Variants in RICTOR observed in about 807,000 individuals in gnomAD.
RICTOR encodes RPTOR independent companion of MTOR complex 2.
Under a neutral mutation model 214.9 loss-of-function variants are expected in RICTOR, and 49 were observed. The observed-to-expected ratio is 0.23, with a 90% CI of 0.18 to 0.29. The LOEUF (loss-of-function observed/expected upper bound fraction) is 0.29. RICTOR is among the 10% of genes least tolerant of loss of function. The probability of loss-of-function intolerance (pLI) is 1.00; values close to 1 mark genes in which losing one functional copy is unlikely to be tolerated. For synonymous variants in RICTOR, 717 were observed against 711.3 expected (o/e 1.01, Z -0.13); for missense variants, 1,625 against 2,047.0 (o/e 0.79, Z 3.98).
intron 7 of RICTOR, among the ~76,000 whole-genome samples, chr5:38,989,124 T>A (rs1035985916): frequency 5.9e-5 from 9 of 152,158 alleles, no homozygotes; most frequent in African/African-American, 2.2e-4. Flanking sequence ...ACTACAAGGC[T>A]ACAGTAACCA....
chr5:39,068,594 C>G (rs1031878088), intron 2 of RICTOR, among the ~76,000 whole-genome samples: 2 of 152,038 alleles, frequency 1.3e-5, no homozygotes, highest in Non-Finnish European at 1.5e-5. Context: ...AAGAGAACAA[C>G]AAGATCAGAT....
chr5:38,949,405 C>A, intron 31 of RICTOR: 3 of 1,591,672 alleles, frequency 1.9e-6, no homozygotes, highest in Non-Finnish European at 2.5e-6. Flanking sequence ...ATTCCCCCGA[C>A]ATGCTTCTTT....
intron 2 of RICTOR, among the ~76,000 whole-genome samples, chr5:39,046,752 C>T (rs1357094721): frequency 6.6e-6 from 1 of 152,140 alleles, no homozygotes; most frequent in African/African-American, 2.4e-5. Flanking sequence ...ATTCCCTCCT[C>T]CTGTTCCATA....
intron 2 of RICTOR, among the ~76,000 whole-genome samples, chr5:39,031,427 A>G (rs1756262994): frequency 6.6e-6 from 1 of 152,140 alleles, no homozygotes; most frequent in South Asian, 2.1e-4. Context: ...AGTTTCTGAC[A>G]TCTTTTCCTT....
rs1271976557 is a variant in RICTOR, at chr5:38,941,419, A to C, written c.*885T>G. 4.3e-6 allele frequency: 1 copy of C among 231,906 alleles called. No homozygotes were observed. Among genetic ancestry groups the C allele is most frequent in the Non-Finnish European group, 8.5e-6 (1 of 117,062 alleles). The allele number at this position is 231,906 out of a possible 1,614,324, so 14.4% of individuals were successfully genotyped here. On this transcript the variant is annotated 3_prime_UTR_variant, in exon 38 of 38. Coordinates refer to ENST00000357387, the MANE Select transcript of RICTOR (RefSeq NM_152756.5). ...CCTCAGGAGATCCAAAGTATTATTTAATGCTTTCCTATCCTTTAGGTCTAA... is the reference window on the plus strand; with the variant it reads ...CCTCAGGAGATCCAAAGTATTATTTCATGCTTTCCTATCCTTTAGGTCTAA...
intron 2 of RICTOR, among the ~76,000 whole-genome samples, chr5:39,073,787 C>T (rs1173685599): frequency 6.6e-6 from 1 of 152,156 alleles, no homozygotes; most frequent in Non-Finnish European, 1.5e-5. Flanking sequence ...TGCCGGACTC[C>T]GGGATAGGTG....
chr5:38,963,554 G>A (rs953428864), intron 16 of RICTOR, among the ~76,000 whole-genome samples: 1 of 151,752 alleles, frequency 6.6e-6, no homozygotes, highest in African/African-American at 2.4e-5. Flanking sequence ...AATTCTTTGT[G>A]GTAAATACAA....
Position 38,938,520 on chromosome 5 carries a change from A to G in RICTOR, c.*3784T>C, listed in dbSNP as rs1311675862. 4.3e-6 allele frequency: 1 copy of G among 232,768 alleles called. No individual in the cohort carries two copies. Among genetic ancestry groups the G allele is most frequent in the African/African-American group, 2.2e-5 (1 of 45,330 alleles). 14.4% of individuals were successfully genotyped at this position (232,768 alleles called of 1,614,324 possible). The stretch of plus-strand genomic sequence containing the variant: ...TTGAAATTAAATATTCTATAAAGAA[A>G]GTAAAACAAAATGTGCAATTTATGC... On this transcript the variant is annotated 3_prime_UTR_variant, in exon 38 of 38. Coordinates refer to ENST00000357387, the MANE Select transcript of RICTOR (RefSeq NM_152756.5).
At chr5:39,008,376 T>C (rs1754234294) in intron 3 of RICTOR, among the ~76,000 whole-genome samples, 1 of 152,078 alleles carries the variant, frequency 6.6e-6, no homozygotes, top group South Asian at 2.1e-4. Flanking sequence ...TCAACCCTGG[T>C]AGTACTTCTG....
At chr5:39,067,307 C>A (rs1234334276) in intron 2 of RICTOR, among the ~76,000 whole-genome samples, 1 of 152,102 alleles carries the variant, frequency 6.6e-6, no homozygotes, top group Non-Finnish European at 1.5e-5. Context: ...AGGGTAGGTG[C>A]ACACTTTTAA....
chr5:38,978,518 AC>A lies in RICTOR; in HGVS notation c.821+64del, dbSNP rs1457623314. ...TCTGGCTGTACATGGAATCACGCAA[AC>A]CTAAAAGCTTTAGTATTAACATATA... On this transcript the variant is annotated intron_variant, in intron 9 of 37. Transcript: ENST00000357387. The A allele has an allele frequency of 4.3e-6, 3 of 701,728 alleles. No individual in the cohort carries two copies. The African/African-American group carries it at 5.6e-5, about 13-fold the overall frequency. The allele number at this position is 701,728 out of a possible 1,614,324, so 43.5% of individuals were successfully genotyped here. A position where few individuals can be genotyped will look rare whatever the true frequency, so the allele number is the denominator to read the frequency against.
In RICTOR at chr5:38,943,072, T is replaced by C. The variant is rs556669179; in HGVS notation, c.4914-101A>G. On this transcript the variant is annotated intron_variant, in intron 36 of 37. Transcript: ENST00000357387. ...TTAAAAATAGATTTCCCTACAGATATGGATTAGATGGCATACTTGGGGTGA... is the reference window on the plus strand; with the variant it reads ...TTAAAAATAGATTTCCCTACAGATACGGATTAGATGGCATACTTGGGGTGA... 1.9e-4 allele frequency: 139 copies of C among 725,660 alleles called. 1 individual carries two copies. The African/African-American group carries it at 2.4e-3, about 12-fold the overall frequency. The allele number at this position is 725,660 out of a possible 1,614,324, so 45.0% of individuals were successfully genotyped here.
At chr5:38,979,477 G>A in intron 8 of RICTOR, among the ~76,000 whole-genome samples, 1 of 152,000 alleles carries the variant, frequency 6.6e-6, no homozygotes, top group East Asian at 1.9e-4. Flanking sequence ...ATTCCTTCCT[G>A]CATTTCTTTG....
At chr5:39,011,742 G>A (rs1754537053) in intron 3 of RICTOR, among the ~76,000 whole-genome samples, 1 of 152,112 alleles carries the variant, frequency 6.6e-6, no homozygotes, top group Non-Finnish European at 1.5e-5. Flanking sequence ...ACTTGCATGG[G>A]GCCTGTAGCT....
chr5:38,942,860 T>C lies in RICTOR; in HGVS notation c.5025A>G (p.Glu1675=). Residue 1675 remains glutamate (E), a synonymous_variant, in exon 37 of 38, where the codon GAA becomes GAG. Coordinates refer to ENST00000357387, the MANE Select transcript of RICTOR (RefSeq NM_152756.5). ...FRLPCRRFIQ[E]LFQDVQFLQM... ...GTAGAAACTGTACATCTTGAAATAA[T>C]TCTTGTATGAACCTCCGACACGGAA... The C allele has an allele frequency of 1.2e-6, 2 of 1,611,224 alleles. No homozygotes were observed. The highest frequency in any genetic ancestry group is 1.7e-6 in the Non-Finnish European group (2 of 1,177,382).
At chr5:39,009,985 A>G (rs1754372763) in intron 3 of RICTOR, among the ~76,000 whole-genome samples, 1 of 152,168 alleles carries the variant, frequency 6.6e-6, no homozygotes. Context: ...CTCTTTTTCT[A>G]TGTGATATGG....
chr5:39,007,920 T>C (rs1754203977), intron 3 of RICTOR, among the ~76,000 whole-genome samples: 1 of 150,814 alleles, frequency 6.6e-6, no homozygotes, highest in African/African-American at 2.4e-5. Context: ...TTTTATAAAA[T>C]AAATTGGAAA....
intron 2 of RICTOR, among the ~76,000 whole-genome samples, chr5:39,047,532 T>C (rs1757577867): frequency 6.6e-6 from 1 of 152,208 alleles, no homozygotes; most frequent in African/African-American, 2.4e-5. Context: ...GTTCATGTAT[T>C]TTACTAACCT....
chr5:38,939,015 A>G lies in RICTOR; in HGVS notation c.*3289T>C, dbSNP rs1409523408. 3 of 233,046 alleles carry G rather than the reference A, an allele frequency of 1.3e-5. No individual in the cohort carries two copies. The highest frequency in any genetic ancestry group is 1.2e-4 in the East Asian group (2 of 16,440). The allele number at this position is 233,046 out of a possible 1,614,324, so 14.4% of individuals were successfully genotyped here. On this transcript the variant is annotated 3_prime_UTR_variant, in exon 38 of 38. Transcript: ENST00000357387. ...ACCTTACTTCCAAAGAACATTTCCC[A>G]AAGTAGTTTACAAAGTTCATCTCAC...
Sources: allele counts gnomAD v4.1 joint callset (sites outside exome capture counted in the v4.1 genomes callset), GRCh38; gene constraint gnomAD v4.1.1; transcripts MANE v1.5; gene names NCBI Gene and HGNC (gene_info 2026-07-23, HGNC 2026-07-21).